Variants in KHDC1 observed in about 807,000 individuals in gnomAD.
KHDC1 encodes the protein KH homology domain-containing protein 1.
A neutral mutation model predicts 24.7 loss-of-function variants in KHDC1; 21 were observed. The observed-to-expected ratio is 0.85, with a 90% CI of 0.60 to 1.23. The LOEUF is 1.23. Ranked by LOEUF, KHDC1 falls within the 50% of genes most tolerant of loss-of-function variation. The probability of loss-of-function intolerance (pLI) is 0.00; values close to 1 mark genes in which losing one functional copy is unlikely to be tolerated. For synonymous variants in KHDC1, 98 were observed against 111.7 expected, an observed-to-expected ratio of 0.88 and a Z score of 0.77; for missense variants, 274 against 298.5, an observed-to-expected ratio of 0.92 and a Z score of 0.61.
chr6:73,262,442 C>T (rs939754565), intron 2 of KHDC1, among the ~76,000 whole-genome samples: 2 of 152,208 alleles, frequency 1.3e-5, no homozygotes, highest in Non-Finnish European at 2.9e-5. Context: ...ACTGGTCCAA[C>T]AGCAGGCAAC....
rs574185561 is a variant in KHDC1 at position 73,260,503 on chromosome 6, C to T, written c.207-17973G>A. On this transcript the variant is annotated intron_variant, in intron 2 of 4. Coordinates refer to ENST00000370384, the Ensembl canonical transcript of KHDC1. ...TTAAACTATTATGCAAAAAAAGTTTCCAGTTAAATATTTTGCATACCTCTT... is the reference window on the plus strand; with the variant it reads ...TTAAACTATTATGCAAAAAAAGTTTTCAGTTAAATATTTTGCATACCTCTT... 1.3e-4 allele frequency among the ~76,000 whole-genome samples: 20 copies of T among 152,200 alleles called. No homozygotes were observed. In the South Asian group the frequency reaches 3.7e-3, roughly 28 times the overall value.
intron 2 of KHDC1, chr6:73,262,950 G>A (rs1767007961): frequency 1.0e-6 from 1 of 991,274 alleles, no homozygotes; most frequent in Non-Finnish European, 1.2e-6. Flanking sequence ...CGAGACCACA[G>A]GGGGGTCAGG....
At chr6:73,251,025 T>C (rs1042319419) in intron 2 of KHDC1, among the ~76,000 whole-genome samples, 17 of 152,194 alleles carry the variant, frequency 1.1e-4, no homozygotes, top group African/African-American at 3.9e-4. Flanking sequence ...GGTTTTGCTA[T>C]GTTGGCCAGG....
chr6:73,267,274 G>A (rs1214319875), intron 2 of KHDC1, among the ~76,000 whole-genome samples: 1 of 152,158 alleles, frequency 6.6e-6, no homozygotes, highest in Non-Finnish European at 1.5e-5. Flanking sequence ...AAGGTCAGGA[G>A]TTCAAGACCA....
intron 3 of KHDC1, 82 bp downstream of exon 2, chr6:73,242,324 C>T: frequency 6.2e-7 from 1 of 1,607,268 alleles, no homozygotes; most frequent in Admixed American, 1.7e-5. Flanking sequence ...GAATATGTGA[C>T]TGATGAAGGT....
intron 2 of KHDC1, among the ~76,000 whole-genome samples, chr6:73,291,782 G>A (rs1310088167): frequency 6.6e-6 from 1 of 151,668 alleles, no homozygotes; most frequent in Non-Finnish European, 1.5e-5. Flanking sequence ...GGGGGGTGAG[G>A]GTTGAAGAAG....
chr6:73,242,774 G>A lies in KHDC1; in HGVS notation c.207-244C>T, dbSNP rs558004553. On this transcript the variant is annotated intron_variant, in intron 2 of 4. Transcript: ENST00000370384. ...TTAGTGCTTGCCTTTCTGATGCCCC[G>A]GAATCAAAATTTTTTCTTCATTCTA... Among the ~76,000 whole-genome samples, 22 of 152,142 alleles carry A rather than the reference G, an allele frequency of 1.4e-4. No individual in the cohort carries two copies. The South Asian group carries it at 2.3e-3, about 16-fold the overall frequency.
chr6:73,293,285 TA>T, intron 1 of KHDC1: 2 of 604,764 alleles, frequency 3.3e-6, no homozygotes, highest in Admixed American at 2.2e-5. Flanking sequence ...TGAAGAAACA[TA>T]AGGAAAAGAT....
At chr6:73,309,292 T>C (rs773697986) in intron 1 of KHDC1, among the ~76,000 whole-genome samples, 22 of 152,194 alleles carry the variant, frequency 1.4e-4, no homozygotes, top group Non-Finnish European at 2.8e-4. Context: ...CTTCTAAACC[T>C]ACAGTGCACA....
At chr6:73,285,549 G>C (rs1221203153) in intron 2 of KHDC1, among the ~76,000 whole-genome samples, 2 of 152,016 alleles carry the variant, frequency 1.3e-5, no homozygotes, top group African/African-American at 4.8e-5. Context: ...GGCCAGGCTG[G>C]TCTCAAACTC....
At chr6:73,281,454 TAAAATA>T (rs1767407522) in intron 2 of KHDC1, among the ~76,000 whole-genome samples, 1 of 146,956 alleles carries the variant, frequency 6.8e-6, no homozygotes, top group African/African-American at 2.5e-5. Flanking sequence ...CGTCTCTACT[TAAAATA>T]TAAAAAATCA....
intron 2 of KHDC1, among the ~76,000 whole-genome samples, chr6:73,264,273 G>A (rs1440305594): frequency 6.6e-6 from 1 of 152,178 alleles, no homozygotes; most frequent in Non-Finnish European, 1.5e-5. Flanking sequence ...TTGAAATCAC[G>A]AAATCATTAA....
intron 1 of KHDC1, among the ~76,000 whole-genome samples, chr6:73,294,745 A>G (rs1767728747): frequency 6.6e-6 from 1 of 152,160 alleles, no homozygotes; most frequent in East Asian, 1.9e-4. Context: ...TGTAATCCCC[A>G]GTGTTGGAGG....
chr6:73,263,641 T>G (rs1767029913), intron 2 of KHDC1, among the ~76,000 whole-genome samples: 1 of 150,994 alleles, frequency 6.6e-6, no homozygotes, highest in Non-Finnish European at 1.5e-5. Flanking sequence ...GCCCACCCTC[T>G]GCAGGGCACT....
chr6:73,252,548 A>G (rs1318446292), intron 2 of KHDC1, among the ~76,000 whole-genome samples: 1 of 152,082 alleles, frequency 6.6e-6, no homozygotes. Flanking sequence ...AATGGCTCAC[A>G]TCTGTAATCC....
At chr6:73,242,220 G>T (rs2150548309) in exon 4 of KHDC1, 1 of 1,613,526 alleles carries the variant, frequency 6.2e-7, no homozygotes, top group East Asian at 2.2e-5. Flanking sequence ...ATGCAGCGAA[G>T]GTATGTGTCA....
intron 1 of KHDC1, among the ~76,000 whole-genome samples, chr6:73,295,330 G>T (rs471938): frequency 0.68 from 103,023 of 152,124 alleles, 38,549 homozygotes; most frequent in Non-Finnish European, 0.83. Context: ...CTGCAGACTC[G>T]AGAGCCAATT....
In KHDC1 at chr6:73,242,466, G is replaced by C. The variant is rs200533249; in HGVS notation, c.271C>G (p.Gln91Glu). ...AACACCATTGGTGCATGAAAGTTTT[G>C]AGGCAGGGTCCACCACGGCTTCTTG... The change falls in exon 3 of 5, where the codon CAA becomes GAA. Residue 91 changes from glutamine (Q) to glutamate (E), a missense_variant. Coordinates refer to ENST00000370384, the Ensembl canonical transcript of KHDC1. 139 of 1,614,158 alleles carry C rather than the reference G, an allele frequency of 8.6e-5. No individual in the cohort carries two copies. In the African/African-American group the frequency reaches 1.6e-3, roughly 18 times the overall value.
At chr6:73,262,441 A>T (rs1237440401) in intron 2 of KHDC1, among the ~76,000 whole-genome samples, 1 of 152,222 alleles carries the variant, frequency 6.6e-6, no homozygotes, top group Non-Finnish European at 1.5e-5. Flanking sequence ...TACTGGTCCA[A>T]CAGCAGGCAA....
Sources: gnomAD v4.1 joint callset for allele counts (sites outside exome capture counted in the v4.1 genomes callset) on GRCh38, gnomAD v4.1.1 for gene constraint, MANE v1.5 for transcripts, NCBI Gene and HGNC (gene_info 2026-07-23, HGNC 2026-07-21) for gene names.